Variants in ADGRV1 observed in about 807,000 individuals in gnomAD.
The protein encoded by ADGRV1 is G-protein coupled receptor 98.
Under a neutral mutation model 596.2 loss-of-function variants are expected in ADGRV1, and 359 were observed. The ratio of observed to expected loss-of-function variants is 0.60; its 90% CI spans 0.55 to 0.66. ADGRV1 has a LOEUF of 0.66. Ranked by LOEUF, ADGRV1 falls within the 30% of genes least tolerant of loss-of-function variation. The pLI is 0.00. For missense variants in ADGRV1, 7,274 were observed against 7,575.6 expected (o/e 0.96, Z 1.48); for synonymous variants, 2,681 against 2,679.2 (o/e 1.00, Z -0.02).
chr5:90,668,579 C>G (rs1421719048), intron 21 of ADGRV1, among the ~76,000 whole-genome samples: 1 of 146,100 alleles, frequency 6.8e-6, no homozygotes, highest in Non-Finnish European at 1.5e-5. Flanking sequence ...TTCTGCGTTG[C>G]TCATGCTGGG....
chr5:91,113,541 T>G (rs1423760008), intron 87 of ADGRV1, among the ~76,000 whole-genome samples: 1 of 151,312 alleles, frequency 6.6e-6, no homozygotes, highest in Non-Finnish European at 1.5e-5. Flanking sequence ...TTACCTCCTC[T>G]AAGAGAGTCA....
rs1342273661 is a variant in ADGRV1, at chr5:90,757,177, A to G, written c.11940+16A>G. ...AGATAAACAGGTATGCCAGTCATTA[A>G]CATATTAGCCTTTTTGAGTTGTGCT... is the stretch of plus-strand genomic sequence containing the variant. On this transcript the variant is annotated intron_variant, in intron 57 of 89. Transcript: ENST00000405460. 3 of 1,610,448 alleles carry G rather than the reference A, an allele frequency of 1.9e-6. No homozygotes were observed. Among genetic ancestry groups the G allele is most frequent in the Non-Finnish European group, 2.5e-6 (3 of 1,176,866 alleles).
chr5:90,783,047 C>G (rs1192401201), intron 65 of ADGRV1, 77 bp from the exon 66 acceptor site: 1 of 1,152,452 alleles, frequency 8.7e-7, no homozygotes, highest in Non-Finnish European at 1.3e-6. Context: ...TGTTTAATTG[C>G]CAGGTTTAAT....
intron 50 of ADGRV1, among the ~76,000 whole-genome samples, chr5:90,732,893 C>T (rs902445981): frequency 6.6e-6 from 1 of 152,212 alleles, no homozygotes; most frequent in African/African-American, 2.4e-5. Context: ...CTGAAATCCT[C>T]TAAAAGGGTT....
At chr5:91,036,709 C>T (rs958062410) in intron 85 of ADGRV1, among the ~76,000 whole-genome samples, 1 of 151,776 alleles carries the variant, frequency 6.6e-6, no homozygotes, top group Non-Finnish European at 1.5e-5. Context: ...GACGACAGAG[C>T]GAGACCCTGT....
At chr5:90,597,848 T>C (rs1220365314) in intron 1 of ADGRV1, among the ~76,000 whole-genome samples, 1 of 152,154 alleles carries the variant, frequency 6.6e-6, no homozygotes, top group Non-Finnish European at 1.5e-5. Context: ...GAGAAGAGTA[T>C]GCATGTTCCA....
intron 75 of ADGRV1, among the ~76,000 whole-genome samples, chr5:90,816,293 C>T (rs562994881): frequency 2.0e-5 from 3 of 151,524 alleles, no homozygotes; most frequent in Non-Finnish European, 4.4e-5. Context: ...CATTTACTTG[C>T]CTTTAGGACC....
chr5:90,855,532 T>C (rs1388829247), intron 81 of ADGRV1, among the ~76,000 whole-genome samples: 1 of 152,136 alleles, frequency 6.6e-6, no homozygotes, highest in East Asian at 1.9e-4. Flanking sequence ...TTGGTTGGTA[T>C]TTAGGCTGCT....
At chr5:90,976,296 ATATG>A (rs1351117740) in intron 84 of ADGRV1, among the ~76,000 whole-genome samples, 2 of 58,370 alleles carry the variant, frequency 3.4e-5, no homozygotes, top group Admixed American at 1.4e-4. Flanking sequence ...ATGTGTGTGT[ATATG>A]TGTGTGTGTG....
chr5:90,908,948 G>A (rs6452914), intron 83 of ADGRV1, among the ~76,000 whole-genome samples: 8 of 151,992 alleles, frequency 5.3e-5, no homozygotes, highest in African/African-American at 1.5e-4. Context: ...GGAGGAAGTA[G>A]GATTTTAGAG....
At chr5:90,777,139 AT>A (rs1310720062) in intron 61 of ADGRV1, among the ~76,000 whole-genome samples, 2 of 152,186 alleles carry the variant, frequency 1.3e-5, no homozygotes. Flanking sequence ...ACTTACAATT[AT>A]GGCAGAAGGC....
chr5:90,566,076 A>T (rs1755593488), intron 1 of ADGRV1, among the ~76,000 whole-genome samples: 3 of 152,042 alleles, frequency 2.0e-5, no homozygotes, highest in African/African-American at 7.2e-5. Context: ...CTAATCCCTT[A>T]TCAGATATAT....
At chr5:90,774,531 A>AT (rs1758020511) in intron 60 of ADGRV1, among the ~76,000 whole-genome samples, 3 of 152,196 alleles carry the variant, frequency 2.0e-5, no homozygotes, top group East Asian at 1.9e-4. Flanking sequence ...TAGCTGTGTA[A>AT]TTTTTTTCTA....
At chr5:90,729,979 C>T (rs1268341205) in intron 50 of ADGRV1, among the ~76,000 whole-genome samples, 1 of 152,030 alleles carries the variant, frequency 6.6e-6, no homozygotes, top group Admixed American at 6.6e-5. Flanking sequence ...TATTCTCCTG[C>T]CTCAGTCTCC....
intron 87 of ADGRV1, among the ~76,000 whole-genome samples, chr5:91,104,804 A>C (rs1261201770): frequency 6.6e-6 from 1 of 151,782 alleles, no homozygotes. Flanking sequence ...ATTAAAAGTA[A>C]TGGCAAAAAC....
intron 83 of ADGRV1, among the ~76,000 whole-genome samples, chr5:90,941,710 C>A (rs893345287): frequency 1.3e-5 from 2 of 152,124 alleles, no homozygotes; most frequent in African/African-American, 4.8e-5. Context: ...AGATTCTCAC[C>A]AGTTGAGTTC....
At chr5:90,738,543 C>T (rs565109895) in intron 50 of ADGRV1, among the ~76,000 whole-genome samples, 6 of 152,200 alleles carry the variant, frequency 3.9e-5, no homozygotes, top group South Asian at 4.1e-4. Context: ...AAATTTAATT[C>T]TCTCTTGTTT....
chr5:90,643,709 T>G, intron 13 of ADGRV1, 94 bp from the exon 14 acceptor site: 1 of 952,604 alleles, frequency 1.0e-6, no homozygotes, highest in Non-Finnish European at 1.5e-6. Flanking sequence ...CTTCTGAAAC[T>G]TTGAGTATAT....
intron 25 of ADGRV1, chr5:90,676,917 T>C (rs1744300064): frequency 6.6e-6 from 1 of 152,220 alleles, no homozygotes. Flanking sequence ...GTCAAACTTA[T>C]TTCATGACAG....
Sources: allele counts gnomAD v4.1 joint callset (sites outside exome capture counted in the v4.1 genomes callset), GRCh38; gene constraint gnomAD v4.1.1; transcripts MANE v1.5; gene names NCBI Gene and HGNC (gene_info 2026-07-23, HGNC 2026-07-21).